Variants in LRRC8D observed in about 807,000 individuals in gnomAD.
LRRC8D encodes volume-regulated anion channel subunit LRRC8D.
In LRRC8D, 20 loss-of-function variants were observed where a neutral mutation model predicts 55.8. The ratio of observed to expected loss-of-function variants is 0.36; its 90% CI spans 0.25 to 0.52. The LOEUF (loss-of-function observed/expected upper bound fraction) is 0.52. LRRC8D is among the 20% of genes least tolerant of loss of function. LRRC8D has a pLI of 0.93. For missense variants in LRRC8D, 651 were observed against 1,030.8 expected (o/e 0.63, Z 5.05); for synonymous variants, 352 against 377.0 (o/e 0.93, Z 0.77).
intron 2 of LRRC8D, among the ~76,000 whole-genome samples, chr1:89,893,385 A>G (rs1662627199): frequency 6.6e-6 from 1 of 152,194 alleles, no homozygotes; most frequent in Non-Finnish European, 1.5e-5. Flanking sequence ...ATTCGTTATC[A>G]CTTTTTTCCT....
At chr1:89,846,942 T>C (rs1489316063) in intron 2 of LRRC8D, among the ~76,000 whole-genome samples, 1 of 152,170 alleles carries the variant, frequency 6.6e-6, no homozygotes, top group Non-Finnish European at 1.5e-5. Context: ...TAGTAAATGA[T>C]ATATATGACT....
intron 2 of LRRC8D, among the ~76,000 whole-genome samples, chr1:89,851,468 G>C (rs1468124178): frequency 1.3e-5 from 2 of 150,876 alleles, no homozygotes; most frequent in Non-Finnish European, 2.9e-5. Context: ...GGGTGTTTGT[G>C]TGCCTCTGCA....
At chr1:89,858,188 G>A (rs974317995) in intron 2 of LRRC8D, among the ~76,000 whole-genome samples, 4 of 152,190 alleles carry the variant, frequency 2.6e-5, no homozygotes, top group African/African-American at 9.7e-5. Flanking sequence ...GAGATGTCAC[G>A]CTACTGCACT....
chr1:89,925,381 C>T (rs1287521746), intron 2 of LRRC8D, among the ~76,000 whole-genome samples: 1 of 152,002 alleles, frequency 6.6e-6, no homozygotes, highest in Admixed American at 6.6e-5. Context: ...GTAATAATAA[C>T]AGAAATAAAG....
At chr1:89,866,017 A>G (rs1661832049) in intron 2 of LRRC8D, among the ~76,000 whole-genome samples, 1 of 152,230 alleles carries the variant, frequency 6.6e-6, no homozygotes, top group South Asian at 2.1e-4. Context: ...CCTCCTCTTT[A>G]TAATTTTTGA....
chr1:89,921,969 T>G (rs1663430922), intron 2 of LRRC8D, among the ~76,000 whole-genome samples: 1 of 152,212 alleles, frequency 6.6e-6, no homozygotes, highest in Admixed American at 6.5e-5. Flanking sequence ...ACATTTACCC[T>G]GGCTAACAAA....
intron 2 of LRRC8D, among the ~76,000 whole-genome samples, chr1:89,902,234 G>A (rs1662876816): frequency 6.6e-6 from 1 of 152,270 alleles, no homozygotes; most frequent in South Asian, 2.1e-4. Flanking sequence ...CAGGGACCTT[G>A]AAGAGAAGAT....
At chr1:89,862,606 T>C (rs1031828049) in intron 2 of LRRC8D, among the ~76,000 whole-genome samples, 20 of 152,204 alleles carry the variant, frequency 1.3e-4, no homozygotes, top group African/African-American at 4.8e-4. Flanking sequence ...GAGTTAACTC[T>C]AGGAGATGGG....
intron 2 of LRRC8D, among the ~76,000 whole-genome samples, chr1:89,892,172 A>C (rs1012244570): frequency 6.6e-6 from 1 of 152,204 alleles, no homozygotes; most frequent in African/African-American, 2.4e-5. Context: ...AAAATGCTGG[A>C]TATTTCACAG....
chr1:89,881,239 G>C (rs950274738), intron 2 of LRRC8D, among the ~76,000 whole-genome samples: 1 of 152,156 alleles, frequency 6.6e-6, no homozygotes, highest in Non-Finnish European at 1.5e-5. Flanking sequence ...CAACAGGAAG[G>C]CTGGTAAAAG....
At position 89,933,754 on chromosome 1, in the gene LRRC8D, C is replaced by G. The variant is rs748656645; in HGVS notation, c.686C>G (p.Thr229Arg). ...TCAGAGGAAAACAAGCAGAGAATAA[C>G]AGGTGCCCAGACTCTACCAAAGCAT... ...EDSEENKQRITGAQTLPKHVS... is the reference protein window; with the variant it reads ...EDSEENKQRIRGAQTLPKHVS... Residue 229 changes from threonine (T) to arginine (R), a missense_variant, in exon 3 of 3, where the codon ACA becomes AGA. By Grantham distance (71) the Thr-to-Arg change is moderately conservative. Transcript: ENST00000337338. This position sits in a 1 kb window ranked among gnomAD's most constrained non-coding sequence, Gnocchi z 7.0. 7.8e-5 allele frequency: 126 copies of G among 1,613,990 alleles called. 1 individual carries two copies. The highest frequency in any genetic ancestry group is 1.1e-4 in the Non-Finnish European group (124 of 1,180,014).
chr1:89,866,776 C>T (rs1181482654), intron 2 of LRRC8D, among the ~76,000 whole-genome samples: 2 of 152,080 alleles, frequency 1.3e-5, no homozygotes, highest in Non-Finnish European at 1.5e-5. Flanking sequence ...CAGCCCATCC[C>T]CTCAGGAGCA....
intron 1 of LRRC8D, among the ~76,000 whole-genome samples, chr1:89,834,047 G>C (rs1660946679): frequency 6.6e-6 from 1 of 152,196 alleles, no homozygotes; most frequent in Non-Finnish European, 1.5e-5. Flanking sequence ...AGCCAAGCTA[G>C]AGTAGGAGGG....
At chr1:89,871,665 C>T (rs887994834) in intron 2 of LRRC8D, among the ~76,000 whole-genome samples, 1 of 152,120 alleles carries the variant, frequency 6.6e-6, no homozygotes, top group African/African-American at 2.4e-5. Context: ...CCTTAACTGT[C>T]ATCTCAAAAG....
intron 2 of LRRC8D, among the ~76,000 whole-genome samples, chr1:89,858,763 T>C (rs757689922): frequency 1.0e-3 from 156 of 152,262 alleles, no homozygotes; most frequent in Middle Eastern, 3.4e-3. Context: ...AGGAAGTTTA[T>C]AAAAGCAGAT....
At chr1:89,907,183 CTTTTTTTTTTTTTTT>C (rs71584958) in intron 2 of LRRC8D, among the ~76,000 whole-genome samples, 1 of 69,774 alleles carries the variant, frequency 1.4e-5, no homozygotes, top group South Asian at 6.9e-4. Context: ...TCCACTGTGT[CTTTTTTTTTTTTTTT>C]TTTTTTTTTT....
chr1:89,839,432 A>G (rs986619554), intron 1 of LRRC8D, among the ~76,000 whole-genome samples: 3 of 152,206 alleles, frequency 2.0e-5, no homozygotes, highest in Admixed American at 2.0e-4. Flanking sequence ...GGGGTGCTTT[A>G]AGTAGTGCTT....
chr1:89,936,288 A>G lies in LRRC8D; in HGVS notation c.*643A>G, dbSNP rs1246777338. 2 of 167,084 alleles carry G rather than the reference A, an allele frequency of 1.2e-5. No homozygotes were observed. Among genetic ancestry groups the G allele is most frequent in the East Asian group, 3.8e-4 (2 of 5,200 alleles). 10.4% of individuals were successfully genotyped at this position (167,084 alleles called of 1,614,324 possible). A position where few individuals can be genotyped will look rare whatever the true frequency, so the allele number is the denominator to read the frequency against. On this transcript the variant is annotated 3_prime_UTR_variant, in exon 3 of 3. Transcript: ENST00000337338. ...TAGGGGTTTTGTTTTTTTAAGAATA[A>G]GTAACAAGAAATAACACATTTCTTA... is the stretch of plus-strand genomic sequence containing the variant.
chr1:89,879,307 A>G (rs1378398109), intron 2 of LRRC8D, among the ~76,000 whole-genome samples: 1 of 152,214 alleles, frequency 6.6e-6, no homozygotes, highest in South Asian at 2.1e-4. Context: ...TCCTGGGGGT[A>G]TAAACCTTAT....
Sources: allele counts gnomAD v4.1 joint callset (sites outside exome capture counted in the v4.1 genomes callset), GRCh38; gene constraint gnomAD v4.1.1; non-coding constraint Gnocchi (gnomAD v3.1); transcripts MANE v1.5; gene names NCBI Gene and HGNC (gene_info 2026-07-23, HGNC 2026-07-21).